Variants in FHIT observed in about 807,000 individuals in gnomAD.
FHIT encodes the protein fragile histidine triad diadenosine triphosphatase, also known as bis(5'-adenosyl)-triphosphatase.
Under a neutral mutation model 17.9 loss-of-function variants are expected in FHIT, and 19 were observed. That is an observed-to-expected ratio of 1.06 (90% CI 0.74 to 1.56). FHIT has a LOEUF of 1.56. FHIT is among the 40% of genes most tolerant of loss of function. The pLI is 0.00. For missense variants in FHIT, 248 were observed against 189.2 expected, an observed-to-expected ratio of 1.31 and a Z score of -1.82; for synonymous variants, 81 against 69.7, an observed-to-expected ratio of 1.16 and a Z score of -0.81.
At chr3:60,020,132 T>C (rs1462629917) in intron 5 of FHIT, among the ~76,000 whole-genome samples, 1 of 152,206 alleles carries the variant, frequency 6.6e-6, no homozygotes, top group African/African-American at 2.4e-5. Context: ...CAAAGGGGGA[T>C]GCTGCAAAAG....
intron 2 of FHIT, among the ~76,000 whole-genome samples, chr3:61,139,984 G>A (rs1032601034): frequency 3.3e-5 from 5 of 150,134 alleles, no homozygotes; most frequent in African/African-American, 1.2e-4. Context: ...TCATCTATGA[G>A]GATAACGACT....
At chr3:59,897,320 G>A (rs958296150) in intron 8 of FHIT, among the ~76,000 whole-genome samples, 1 of 152,188 alleles carries the variant, frequency 6.6e-6, no homozygotes, top group African/African-American at 2.4e-5. Flanking sequence ...CCTCCCTATA[G>A]TCTGCAAACT....
chr3:60,563,977 G>T (rs2037045238), intron 4 of FHIT, among the ~76,000 whole-genome samples: 1 of 152,204 alleles, frequency 6.6e-6, no homozygotes, highest in Non-Finnish European at 1.5e-5. Flanking sequence ...TCTATTGGAA[G>T]GCGATGCCAT....
intron 3 of FHIT, among the ~76,000 whole-genome samples, chr3:60,987,271 A>C (rs1462324100): frequency 1.3e-5 from 2 of 152,168 alleles, no homozygotes; most frequent in Admixed American, 6.5e-5. Flanking sequence ...CCATAAACAA[A>C]ATCTCTGCAG....
intron 4 of FHIT, among the ~76,000 whole-genome samples, chr3:60,608,645 A>G (rs2038685535): frequency 6.6e-6 from 1 of 152,198 alleles, no homozygotes; most frequent in African/African-American, 2.4e-5. Flanking sequence ...TATCATTACA[A>G]CAATACTGCA....
At chr3:60,966,520 G>A (rs1056007540) in intron 3 of FHIT, among the ~76,000 whole-genome samples, 6 of 152,178 alleles carry the variant, frequency 3.9e-5, no homozygotes, top group African/African-American at 1.2e-4. Flanking sequence ...CACTCCTCAC[G>A]CTGGGAGCTG....
intron 5 of FHIT, among the ~76,000 whole-genome samples, chr3:60,296,232 A>C (rs990595643): frequency 1.3e-5 from 2 of 152,018 alleles, no homozygotes; most frequent in Non-Finnish European, 1.5e-5. Context: ...GGGAAGGAGG[A>C]GGGGAAAGAA....
intron 8 of FHIT, among the ~76,000 whole-genome samples, chr3:59,766,597 G>T (rs897425919): frequency 6.6e-6 from 1 of 152,164 alleles, no homozygotes; most frequent in Non-Finnish European, 1.5e-5. Flanking sequence ...ACAGCAAAAT[G>T]CTTGCCCAGA....
chr3:60,309,790 C>T (rs1708857640), intron 5 of FHIT, among the ~76,000 whole-genome samples: 1 of 151,926 alleles, frequency 6.6e-6, no homozygotes, highest in Non-Finnish European at 1.5e-5. Context: ...TTATATAGAT[C>T]CTGGGGATAC....
At chr3:59,997,365 A>G (rs1699556644) in intron 7 of FHIT, among the ~76,000 whole-genome samples, 1 of 152,186 alleles carries the variant, frequency 6.6e-6, no homozygotes, top group Admixed American at 6.5e-5. Flanking sequence ...CACAAGGTAA[A>G]TATTTCAGAG....
intron 4 of FHIT, among the ~76,000 whole-genome samples, chr3:60,674,713 T>G (rs189357390): frequency 1.3e-5 from 2 of 152,186 alleles, no homozygotes; most frequent in South Asian, 4.1e-4. Flanking sequence ...CAGGGAAATC[T>G]GCCCTCTCAG....
chr3:59,751,950 C>A (rs68003332), intron 9 of FHIT: 37,382 of 371,202 alleles, frequency 0.1, 2,320 homozygotes, highest in Admixed American at 0.18. Flanking sequence ...TGGAGGAGCA[C>A]CACCGCAGGA....
At chr3:60,141,022 A>C (rs550340420) in intron 5 of FHIT, among the ~76,000 whole-genome samples, 24 of 152,194 alleles carry the variant, frequency 1.6e-4, no homozygotes, top group Non-Finnish European at 3.1e-4. Flanking sequence ...CAAAGTTTTA[A>C]GTTTACCATA....
intron 5 of FHIT, among the ~76,000 whole-genome samples, chr3:60,461,988 G>A (rs997885582): frequency 6.6e-6 from 1 of 152,106 alleles, no homozygotes; most frequent in Non-Finnish European, 1.5e-5. Context: ...ACAGACTACC[G>A]GTTGAAACCG....
chr3:60,413,612 G>T (rs1702143293), intron 5 of FHIT, among the ~76,000 whole-genome samples: 1 of 151,984 alleles, frequency 6.6e-6, no homozygotes, highest in Non-Finnish European at 1.5e-5. Context: ...ATTGCCATTG[G>T]ATTTGAAAGC....
At chr3:60,235,353 C>T (rs1704728216) in intron 5 of FHIT, among the ~76,000 whole-genome samples, 1 of 151,766 alleles carries the variant, frequency 6.6e-6, no homozygotes, top group Non-Finnish European at 1.5e-5. Flanking sequence ...GCCTCAACCT[C>T]CTGAGTAGCT....
intron 4 of FHIT, among the ~76,000 whole-genome samples, chr3:60,630,934 T>TAAAAAAA (rs1202134208): frequency 1.1e-5 from 1 of 93,382 alleles, no homozygotes; most frequent in Non-Finnish European, 2.1e-5. Context: ...CCCAGGTCAT[T>TAAAAAAA]AAAAAAAAAA....
At chr3:59,752,993 C>CCCACACTCTTCTAATTTTCTTAT (rs1701004190) in intron 8 of FHIT, among the ~76,000 whole-genome samples, 1 of 152,082 alleles carries the variant, frequency 6.6e-6, no homozygotes, top group Non-Finnish European at 1.5e-5. Flanking sequence ...CAGAATCTCC[C>CCCACACTCTTCTAATTTTCTTAT]CCACACTCTT....
At chr3:61,188,626 C>CA (rs1427453698) in intron 2 of FHIT, among the ~76,000 whole-genome samples, 3 of 151,350 alleles carry the variant, frequency 2.0e-5, no homozygotes, top group Admixed American at 6.6e-5. Flanking sequence ...AGAGACACAA[C>CA]AAAAAAAGAG....
Sources: allele counts gnomAD v4.1 joint callset (sites outside exome capture counted in the v4.1 genomes callset), GRCh38; gene constraint gnomAD v4.1.1; transcripts MANE v1.5; gene names NCBI Gene and HGNC (gene_info 2026-07-23, HGNC 2026-07-21).